Variants in DHCR7 observed in about 807,000 individuals in gnomAD.
DHCR7 encodes the protein 7-DHC reductase.
DHCR7 carries 40 observed loss-of-function variants against 43.3 expected under a neutral mutation model. The ratio of observed to expected loss-of-function variants is 0.92; its 90% CI spans 0.72 to 1.20. The LOEUF (loss-of-function observed/expected upper bound fraction) is 1.20. DHCR7 is among the 50% of genes most tolerant of loss of function. The probability of loss-of-function intolerance (pLI) is 0.00; values close to 1 mark genes in which losing one functional copy is unlikely to be tolerated. For missense variants in DHCR7, 608 were observed against 644.6 expected (o/e 0.94, Z 0.62); for synonymous variants, 298 against 271.4 (o/e 1.10, Z -0.96).
chr11:71,445,349 G>A (rs1354725478), intron 2 of DHCR7, among the ~76,000 whole-genome samples: 1 of 152,174 alleles, frequency 6.6e-6, no homozygotes, highest in Non-Finnish European at 1.5e-5. Context: ...ATTGTCTGTG[G>A]CACTGACTTC....
rs1565588719 is a variant in DHCR7, at chr11:71,442,354, C to T, written c.322-1G>A. ...CAGGGAGAGACGTGTACAGAAGCAC[C>T]TGAAACACACAAGCAGCCTGATCAC... On this transcript the variant is annotated splice_acceptor_variant, in intron 4 of 8. Transcript: ENST00000355527. LOFTEE classifies it high-confidence loss of function. The T allele has an allele frequency of 1.2e-6, 2 of 1,613,240 alleles. No individual in the cohort carries two copies. The highest frequency in any genetic ancestry group is 8.5e-7 in the Non-Finnish European group (1 of 1,179,466).
In DHCR7 at chr11:71,442,292, C is replaced by T. The variant is rs1287803816; in HGVS notation, c.383G>A (p.Gly128Asp). The T allele has an allele frequency of 6.2e-7, 1 of 1,613,750 alleles. No homozygotes were observed. The highest frequency in any genetic ancestry group is 1.1e-5 in the South Asian group (1 of 90,970). The change falls in exon 5 of 9, where the codon GGC becomes GAC. Residue 128 changes from glycine to aspartate, a missense_variant. Coordinates refer to ENST00000355527, the MANE Select transcript of DHCR7 (RefSeq NM_001360.3). ...CHKFLPGYVGGIQEGAVTPAG... is the reference protein window; with the variant it reads ...CHKFLPGYVGDIQEGAVTPAG... ...AGGAGTCACGGCCCCCTCCTGGATG[C>T]CTCCTACGTAGCCGGGTAGAAACTT...
chr11:71,434,883 G>A lies in DHCR7; in HGVS notation c.*492C>T. ...CGCTACCAAGGAGAAACGGCGCACGGGCCCCACCCACGACTGCAGAGCAGG... is the reference window on the plus strand; with the variant it reads ...CGCTACCAAGGAGAAACGGCGCACGAGCCCCACCCACGACTGCAGAGCAGG... On this transcript the variant is annotated 3_prime_UTR_variant, in exon 9 of 9. Transcript: ENST00000355527. 2.8e-6 allele frequency: 1 copy of A among 353,908 alleles called. No individual in the cohort carries two copies. Among genetic ancestry groups the A allele is most frequent in the South Asian group, 2.1e-5 (1 of 47,558 alleles). 21.9% of individuals were successfully genotyped at this position (353,908 alleles called of 1,614,324 possible).
At chr11:71,438,097 G>T (rs1303353124) in intron 7 of DHCR7, among the ~76,000 whole-genome samples, 154 bp from the exon 8 acceptor site, 4 of 152,150 alleles carry the variant, frequency 2.6e-5, no homozygotes, top group African/African-American at 7.2e-5. Flanking sequence ...CTGCGGCTGG[G>T]GCTGTTCCTG....
intron 4 of DHCR7, 29 bp downstream of exon 4, chr11:71,443,964 G>A: frequency 3.1e-6 from 5 of 1,587,826 alleles, no homozygotes; most frequent in Non-Finnish European, 4.3e-6. Flanking sequence ...CACCTGCTGT[G>A]TCCCAACCCC....
intron 3 of DHCR7, among the ~76,000 whole-genome samples, chr11:71,444,562 G>A (rs1231937584): frequency 6.6e-6 from 1 of 152,200 alleles, no homozygotes; most frequent in Admixed American, 6.5e-5. Flanking sequence ...GTTCTATGGC[G>A]AAATGGGAGC....
In DHCR7 at chr11:71,434,875, G is replaced by T; in HGVS notation, c.*500C>A. On this transcript the variant is annotated 3_prime_UTR_variant, in exon 9 of 9. Transcript: ENST00000355527. ...ACCGTGCACGCTACCAAGGAGAAAC[G>T]GCGCACGGGCCCCACCCACGACTGC... 2.8e-6 allele frequency: 1 copy of T among 351,698 alleles called. No individual in the cohort carries two copies. Among genetic ancestry groups the T allele is most frequent in the Admixed American group, 3.8e-5 (1 of 26,126 alleles). The allele number at this position is 351,698 out of a possible 1,614,324, so 21.8% of individuals were successfully genotyped here.
chr11:71,439,114 T>C lies in DHCR7; in HGVS notation c.627-31A>G, dbSNP rs572395354. 65 of 1,590,450 alleles carry C rather than the reference T, an allele frequency of 4.1e-5. No homozygotes were observed. The South Asian group carries it at 6.3e-4, about 15-fold the overall frequency. ...AAATATAAATAAAAGATACATTTAG[T>C]GGATGAGCATATCTCACAAGATGAA... On this transcript the variant is annotated intron_variant, in intron 6 of 8. Transcript: ENST00000355527.
chr11:71,444,229 T>G lies in DHCR7; in HGVS notation c.99-14A>C. On this transcript the variant is annotated splice_polypyrimidine_tract_variant and intron_variant, in intron 3 of 8. Transcript: ENST00000355527. ...CAGTCCACCTCCCTGCGAGGACGGA[T>G]GCAGGCAGTCACACTGGGGCCCATC... is the stretch of plus-strand genomic sequence containing the variant. 6.4e-7 allele frequency: 1 copy of G among 1,564,882 alleles called. No homozygotes were observed. The highest frequency in any genetic ancestry group is 8.7e-7 in the Non-Finnish European group (1 of 1,153,250).
chr11:71,441,347 GAGAACC>G lies in DHCR7; in HGVS notation c.500_505del (p.Trp167_Phe168del). The G allele has an allele frequency of 6.2e-7, 1 of 1,614,230 alleles. No homozygotes were observed. Among genetic ancestry groups the G allele is most frequent in the Non-Finnish European group, 8.5e-7 (1 of 1,180,046 alleles). ...CCAGTTGTCGAAGATGATGGTGGGC[GAGAACC>G]AGGACAGGAGATGAGCGTTTGCAAA... On this transcript the variant is annotated inframe_deletion, in exon 6 of 9. Coordinates refer to ENST00000355527, the MANE Select transcript of DHCR7 (RefSeq NM_001360.3).
chr11:71,441,400 C>G lies in DHCR7; in HGVS notation c.453G>C (p.Trp151Cys). 2 of 1,614,044 alleles carry G rather than the reference C, an allele frequency of 1.2e-6. No homozygotes were observed. Among genetic ancestry groups the G allele is most frequent in the Middle Eastern group, 1.6e-4 (1 of 6,062 alleles). The change falls in exon 6 of 9, where the codon TGG (tryptophan) becomes TGC (cysteine). Residue 151 changes from tryptophan (W) to cysteine (C), a missense_variant. By Grantham distance (215) the Trp-to-Cys change is radical. Transcript: ENST00000355527. ...CAAACCAGAGCAGGTGCGTGAGGAG[C>G]CAGGCTTGCAGGCCATTGATCTGAT... ...NKYQINGLQA[W>C]LLTHLLWFAN...
At chr11:71,441,482 C>T (rs765663769) in intron 5 of DHCR7, 42 bp from the exon 6 acceptor site, 58 of 1,510,820 alleles carry the variant, frequency 3.8e-5, no homozygotes, top group Non-Finnish European at 4.6e-5. Flanking sequence ...TTTCCCAACC[C>T]GCAGTGAGGA....
intron 4 of DHCR7, 88 bp downstream of exon 4, chr11:71,443,905 C>T: frequency 9.2e-7 from 1 of 1,083,044 alleles, no homozygotes; most frequent in Non-Finnish European, 1.3e-6. Flanking sequence ...AGCCAGGATC[C>T]ATGTCCCAGA....
At chr11:71,438,710 G>A (rs1362798075) in intron 7 of DHCR7, 169 bp downstream of exon 7, 3 of 717,122 alleles carry the variant, frequency 4.2e-6, no homozygotes, top group Non-Finnish European at 7.2e-6. Context: ...ACCCAAGGAT[G>A]GCTTCCTTCA....
intron 6 of DHCR7, among the ~76,000 whole-genome samples, chr11:71,439,724 T>C (rs1949328786): frequency 6.6e-6 from 1 of 152,204 alleles, no homozygotes; most frequent in Non-Finnish European, 1.5e-5. Context: ...CAACAATTTC[T>C]GTGTTAACTA....
At chr11:71,444,254 C>T (rs1198565996) in intron 3 of DHCR7, 39 bp from the exon 4 acceptor site, 1 of 1,504,114 alleles carries the variant, frequency 6.6e-7, no homozygotes, top group Non-Finnish European at 9.1e-7. Flanking sequence ...TGGGGCCCAT[C>T]TGCCCTGGGC....
chr11:71,439,868 A>G (rs556578952), intron 6 of DHCR7, among the ~76,000 whole-genome samples: 1 of 152,354 alleles, frequency 6.6e-6, no homozygotes, highest in East Asian at 1.9e-4. Context: ...GTTATCTGAT[A>G]ACACACAAGC....
chr11:71,448,853 C>G (rs1949434505), upstream of DHCR7: 1 of 152,308 alleles, frequency 6.6e-6, no homozygotes, highest in African/African-American at 2.4e-5. Context: ...GGCTCACGTC[C>G]CGGGGCGAAG....
Position 71,435,267 on chromosome 11 carries a change from A to G in DHCR7, c.*108T>C, listed in dbSNP as rs1591106852. 2 of 1,175,518 alleles carry G rather than the reference A, an allele frequency of 1.7e-6. No homozygotes were observed. The highest frequency in any genetic ancestry group is 3.4e-5 in the Admixed American group (2 of 58,598). The allele number at this position is 1,175,518 out of a possible 1,614,324, so 72.8% of individuals were successfully genotyped here. ...AAGTGCTGGGCTCTCTCCAGTTTAC[A>G]GATGAGGAAACTGAGGCTCCTCGAG... On this transcript the variant is annotated 3_prime_UTR_variant, in exon 9 of 9. Transcript: ENST00000355527.
Sources: allele counts gnomAD v4.1 joint callset (sites outside exome capture counted in the v4.1 genomes callset), GRCh38; gene constraint gnomAD v4.1.1; transcripts MANE v1.5; gene names NCBI Gene and HGNC (gene_info 2026-07-23, HGNC 2026-07-21).